Variants in HTT observed in about 807,000 individuals in gnomAD.
HTT encodes the protein huntingtin, also known as huntington disease protein.
Under a neutral mutation model 362.3 loss-of-function variants are expected in HTT, and 104 were observed. That is an observed-to-expected ratio of 0.29 (90% CI 0.24 to 0.34). The LOEUF is 0.34. HTT is among the 10% of genes least tolerant of loss of function. The probability of loss-of-function intolerance (pLI) is 1.00; values close to 1 mark genes in which losing one functional copy is unlikely to be tolerated. For synonymous variants in HTT, 1,577 were observed against 1,548.7 expected, an observed-to-expected ratio of 1.02 and a Z score of -0.43; for missense variants, 3,301 against 3,928.6, an observed-to-expected ratio of 0.84 and a Z score of 4.27.
intron 2 of HTT, among the ~76,000 whole-genome samples, chr4:3,094,525 G>A (rs1163023358): frequency 6.6e-6 from 1 of 150,612 alleles, no homozygotes; most frequent in Non-Finnish European, 1.5e-5. Context: ...CCCAGACGGG[G>A]CGGCGGCTGG....
At chr4:3,096,769 A>G (rs1288646799) in intron 2 of HTT, among the ~76,000 whole-genome samples, 1 of 152,234 alleles carries the variant, frequency 6.6e-6, no homozygotes, top group Non-Finnish European at 1.5e-5. Flanking sequence ...ATTTCAAATC[A>G]ATGACCTCAG....
At chr4:3,220,422 A>C in intron 53 of HTT, 114 bp downstream of exon 53, 1 of 1,091,906 alleles carries the variant, frequency 9.2e-7, no homozygotes, top group East Asian at 2.4e-5. Context: ...TTTAAGCATG[A>C]TAATAATACA....
intron 7 of HTT, 53 bp downstream of exon 7, chr4:3,115,498 C>T: frequency 2.1e-6 from 3 of 1,409,840 alleles, no homozygotes; most frequent in East Asian, 4.6e-5. Flanking sequence ...TCAAGATAGA[C>T]CTTTGAAATA....
At chr4:3,154,209 C>G (rs1717033873) in intron 26 of HTT, 84 bp from the exon 27 acceptor site, 1 of 1,178,098 alleles carries the variant, frequency 8.5e-7, no homozygotes, top group Non-Finnish European at 1.2e-6. Flanking sequence ...AATGGTAAAA[C>G]CAAATATTCT....
In HTT at chr4:3,203,994, T is replaced by C; in HGVS notation, c.5577-13T>C. The C allele has an allele frequency of 1.9e-6, 3 of 1,613,414 alleles. No homozygotes were observed. Among genetic ancestry groups the C allele is most frequent in the Non-Finnish European group, 2.5e-6 (3 of 1,179,392 alleles). The stretch of plus-strand genomic sequence containing the variant: ...TCCAGAAACATTGTCAATGCATCTG[T>C]TGCTCCTTCTAGAAGACACAGTCTG... On this transcript the variant is annotated splice_polypyrimidine_tract_variant and intron_variant, in intron 41 of 66. Transcript: ENST00000355072.
intron 40 of HTT, among the ~76,000 whole-genome samples, chr4:3,194,140 A>G (rs1449545626): frequency 6.6e-6 from 1 of 152,258 alleles, no homozygotes; most frequent in Non-Finnish European, 1.5e-5. Flanking sequence ...AACAAAGGCT[A>G]TGAATTCCAC....
In HTT at chr4:3,212,571, T is replaced by G. The variant is rs1223500079; in HGVS notation, c.6636T>G (p.Ala2212=). 6.2e-7 allele frequency: 1 copy of G among 1,614,134 alleles called. No individual in the cohort carries two copies. Among genetic ancestry groups the G allele is most frequent in the Non-Finnish European group, 8.5e-7 (1 of 1,180,044 alleles). ...GAGGTCCTTCTGTTTCAGGGGATGC[T>G]GCACTGTATCAGTCCCTGCCCACTC... ...WSKLNDLFGD[A]ALYQSLPTLA... The change falls in exon 49 of 67, where the codon GCT becomes GCG. Residue 2212 remains alanine, a synonymous_variant. Coordinates refer to ENST00000355072, the MANE Select transcript of HTT (RefSeq NM_001388492.1).
intron 47 of HTT, among the ~76,000 whole-genome samples, chr4:3,210,904 C>CTTT (rs780304223): frequency 9.8e-5 from 12 of 122,708 alleles, no homozygotes; most frequent in African/African-American, 2.6e-4. Flanking sequence ...AATTGTTTAT[C>CTTT]TTTTTTTTTT....
chr4:3,195,670 A>G (rs927875665), intron 40 of HTT, among the ~76,000 whole-genome samples: 1 of 151,986 alleles, frequency 6.6e-6, no homozygotes, highest in Non-Finnish European at 1.5e-5. Flanking sequence ...TAACAAATAA[A>G]CCAACATTTC....
intron 60 of HTT, among the ~76,000 whole-genome samples, chr4:3,231,705 C>T (rs534226084): frequency 1.8e-4 from 27 of 152,244 alleles, no homozygotes; most frequent in African/African-American, 3.4e-4. Context: ...TCTCTCTTCA[C>T]GGCGAACACC....
chr4:3,168,739 G>A (rs939188507), intron 29 of HTT, among the ~76,000 whole-genome samples: 6 of 152,124 alleles, frequency 3.9e-5, no homozygotes, highest in African/African-American at 7.2e-5. Context: ...ATAGTTGGCC[G>A]CAGTGGCATG....
intron 33 of HTT, among the ~76,000 whole-genome samples, chr4:3,176,317 G>A (rs1314532232): frequency 1.3e-5 from 2 of 152,220 alleles, no homozygotes; most frequent in African/African-American, 4.8e-5. Context: ...GTGAGCCACC[G>A]CGCCCGGCCT....
At chr4:3,205,385 G>A (rs981385493) in intron 42 of HTT, among the ~76,000 whole-genome samples, 4 of 152,104 alleles carry the variant, frequency 2.6e-5, no homozygotes, top group Non-Finnish European at 5.9e-5. Flanking sequence ...ACTGAAAGAG[G>A]TGTTATCCTA....
intron 2 of HTT, among the ~76,000 whole-genome samples, chr4:3,088,625 G>A (rs1713339763): frequency 6.6e-6 from 1 of 152,040 alleles, no homozygotes; most frequent in African/African-American, 2.4e-5. Flanking sequence ...CTGAACATCT[G>A]TCTTCATTAA....
intron 21 of HTT, 32 bp from the exon 22 acceptor site, chr4:3,140,478 T>C: frequency 6.2e-7 from 1 of 1,610,850 alleles, no homozygotes; most frequent in African/African-American, 1.3e-5. Context: ...TCATCTACTT[T>C]CTTAAGCAAA....
intron 8 of HTT, among the ~76,000 whole-genome samples, chr4:3,119,542 T>C (rs1031532273): frequency 1.2e-4 from 19 of 152,236 alleles, no homozygotes; most frequent in African/African-American, 4.6e-4. Context: ...AACATTATTG[T>C]TCATAAATTA....
intron 21 of HTT, among the ~76,000 whole-genome samples, chr4:3,138,739 G>A (rs1341283937): frequency 6.6e-6 from 1 of 152,080 alleles, no homozygotes; most frequent in Non-Finnish European, 1.5e-5. Flanking sequence ...AGCCTCCCAG[G>A]AAGCTGGAAT....
chr4:3,182,246 G>A, intron 36 of HTT, 108 bp from the exon 37 acceptor site: 1 of 703,924 alleles, frequency 1.4e-6, no homozygotes, highest in Non-Finnish European at 2.5e-6. Context: ...ACATCTGTTT[G>A]GATCCTAGAG....
Position 3,236,364 on chromosome 4 carries a change from C to T in HTT, c.8891+110C>T, listed in dbSNP as rs912933138. ...CCCTGGCGCTGTTGCTGGAGTCCTG[C>T]CAGTGATTCCCCACCACAGCCTGAC... On this transcript the variant is annotated intron_variant, in intron 64 of 66. Transcript: ENST00000355072. The T allele has an allele frequency of 3.9e-6, 3 of 777,904 alleles. No individual in the cohort carries two copies. The African/African-American group carries it at 5.1e-5, about 13-fold the overall frequency. 48.2% of individuals were successfully genotyped at this position (777,904 alleles called of 1,614,324 possible). A position where few individuals can be genotyped will look rare whatever the true frequency, so the allele number is the denominator to read the frequency against.
Sources: allele counts gnomAD v4.1 joint callset (sites outside exome capture counted in the v4.1 genomes callset), GRCh38; gene constraint gnomAD v4.1.1; transcripts MANE v1.5; gene names NCBI Gene and HGNC (gene_info 2026-07-23, HGNC 2026-07-21).